MACROD2: variants seen among roughly 807,000 people sequenced by gnomAD.
MACROD2 encodes the protein mono-ADP ribosylhydrolase 2.
In MACROD2, 36 loss-of-function variants were observed where a neutral mutation model predicts 70.4. That is an observed-to-expected ratio of 0.51 (90% CI 0.39 to 0.68). The LOEUF (loss-of-function observed/expected upper bound fraction) is 0.68, where lower values mean the gene tolerates loss of function less well. Among genes scored for constraint, MACROD2 ranks in the 30% least tolerant of loss-of-function variants. MACROD2 has a pLI of 0.00. For missense variants in MACROD2, 496 were observed against 538.4 expected, an observed-to-expected ratio of 0.92 and a Z score of 0.78; for synonymous variants, 172 against 178.8, an observed-to-expected ratio of 0.96 and a Z score of 0.30.
chr20:14,868,329 A>G (rs1467343615), intron 5 of MACROD2, among the ~76,000 whole-genome samples: 3 of 151,898 alleles, frequency 2.0e-5, no homozygotes, highest in Non-Finnish European at 1.5e-5. Flanking sequence ...CTGGGACTGC[A>G]GGTGTGTGCC....
At chr20:14,501,465 T>C (rs185202905) in intron 4 of MACROD2, among the ~76,000 whole-genome samples, 1 of 152,108 alleles carries the variant, frequency 6.6e-6, no homozygotes, top group Admixed American at 6.5e-5. Flanking sequence ...CTACAATACG[T>C]TTCTATTTTT....
intron 5 of MACROD2, among the ~76,000 whole-genome samples, chr20:14,710,495 A>T (rs1295610730): frequency 1.3e-5 from 2 of 152,222 alleles, no homozygotes; most frequent in Non-Finnish European, 2.9e-5. Flanking sequence ...ATGAGCATGG[A>T]ACTTGTTATC....
At chr20:14,356,288 TCTTA>T (rs2083171046) in intron 3 of MACROD2, among the ~76,000 whole-genome samples, 1 of 152,192 alleles carries the variant, frequency 6.6e-6, no homozygotes, top group African/African-American at 2.4e-5. Flanking sequence ...CATAATAACC[TCTTA>T]CTATTTTTTT....
chr20:15,000,097 G>C (rs756655631), intron 5 of MACROD2, among the ~76,000 whole-genome samples: 1 of 152,152 alleles, frequency 6.6e-6, no homozygotes, highest in South Asian at 2.1e-4. Flanking sequence ...AATTTTATCT[G>C]TAATGGTTTC....
intron 6 of MACROD2, among the ~76,000 whole-genome samples, chr20:15,233,652 A>T (rs1365516832): frequency 6.6e-6 from 1 of 152,026 alleles, no homozygotes; most frequent in East Asian, 1.9e-4. Flanking sequence ...ATACCTATCC[A>T]CATTTGCTTT....
chr20:16,025,180 A>G (rs2067060299), intron 15 of MACROD2, among the ~76,000 whole-genome samples: 1 of 152,182 alleles, frequency 6.6e-6, no homozygotes, highest in African/African-American at 2.4e-5. Flanking sequence ...TGTCTCCTGG[A>G]ACAAGAGGTT....
intron 5 of MACROD2, among the ~76,000 whole-genome samples, chr20:15,206,365 G>A (rs2076702193): frequency 6.6e-6 from 1 of 152,026 alleles, no homozygotes; most frequent in Admixed American, 6.6e-5. Context: ...AACTTACATG[G>A]AGCTATTGCT....
intron 3 of MACROD2, among the ~76,000 whole-genome samples, chr20:14,492,525 T>G (rs575567697): frequency 6.6e-5 from 10 of 152,210 alleles, no homozygotes; most frequent in African/African-American, 2.2e-4. Flanking sequence ...AATTATGAAA[T>G]GGGTGGTCTG....
intron 5 of MACROD2, among the ~76,000 whole-genome samples, chr20:15,122,120 A>T (rs1281395433): frequency 2.6e-5 from 4 of 152,222 alleles, no homozygotes; most frequent in Non-Finnish European, 5.9e-5. Flanking sequence ...AAACAAAATG[A>T]TGAGAGAAAA....
intron 3 of MACROD2, among the ~76,000 whole-genome samples, chr20:14,267,014 T>C (rs2082149996): frequency 6.6e-6 from 1 of 152,174 alleles, no homozygotes; most frequent in Non-Finnish European, 1.5e-5. Flanking sequence ...GTGATGACTT[T>C]GGGCTAGCTA....
chr20:14,744,318 T>TA (rs1163711891), intron 5 of MACROD2, among the ~76,000 whole-genome samples: 2 of 152,322 alleles, frequency 1.3e-5, no homozygotes, highest in South Asian at 4.1e-4. Context: ...CAGTTTACTT[T>TA]AAAAAAATTT....
chr20:15,290,869 G>A (rs2077535518), intron 6 of MACROD2, among the ~76,000 whole-genome samples: 1 of 152,116 alleles, frequency 6.6e-6, no homozygotes, highest in Non-Finnish European at 1.5e-5. Context: ...CAATTCCTAG[G>A]TGCTGGGGCA....
intron 4 of MACROD2, among the ~76,000 whole-genome samples, chr20:14,531,321 G>A (rs2085300892): frequency 6.6e-6 from 1 of 151,696 alleles, no homozygotes; most frequent in Admixed American, 6.6e-5. Flanking sequence ...TTGAAACACA[G>A]GGATACACAG....
chr20:14,058,658 T>G (rs2053658512), intron 2 of MACROD2, among the ~76,000 whole-genome samples: 1 of 149,514 alleles, frequency 6.7e-6, no homozygotes, highest in Non-Finnish European at 1.5e-5. Flanking sequence ...TTTTTTTTTT[T>G]TTTTGAGACA....
At chr20:16,022,178 G>A (rs558862526) in intron 15 of MACROD2, among the ~76,000 whole-genome samples, 28 of 151,666 alleles carry the variant, frequency 1.8e-4, no homozygotes, top group Admixed American at 1.4e-3. Flanking sequence ...AGCCTCCTGC[G>A]TAGCAGGGAC....
chr20:14,261,091 T>C (rs1391673745), intron 3 of MACROD2, among the ~76,000 whole-genome samples: 1 of 152,198 alleles, frequency 6.6e-6, no homozygotes, highest in Non-Finnish European at 1.5e-5. Flanking sequence ...AAAATTTGGA[T>C]ACATAGTGAA....
chr20:15,626,836 C>T lies in MACROD2; in HGVS notation c.645+126989C>T, dbSNP rs140201588. ...TGCCACTGCACTCCAGCCTGGGCAACAGAACAAGACTCCATACCCCACCCC... is the reference window on the plus strand; with the variant it reads ...TGCCACTGCACTCCAGCCTGGGCAATAGAACAAGACTCCATACCCCACCCC... On this transcript the variant is annotated intron_variant, in intron 8 of 17. Transcript: ENST00000684519. Among the ~76,000 whole-genome samples, 138 of 152,112 alleles carry T rather than the reference C, an allele frequency of 9.1e-4. 1 individual carries two copies. Among genetic ancestry groups the T allele is most frequent in the African/African-American group, 3.2e-3 (134 of 41,506 alleles).
chr20:14,284,108 G>A (rs909730067), intron 3 of MACROD2, among the ~76,000 whole-genome samples: 1 of 152,138 alleles, frequency 6.6e-6, no homozygotes, highest in African/African-American at 2.4e-5. Context: ...AAAAAATAAA[G>A]CTTTCTTTCC....
At chr20:15,251,012 G>C (rs149476384) in intron 6 of MACROD2, among the ~76,000 whole-genome samples, 15 of 152,282 alleles carry the variant, frequency 9.9e-5, no homozygotes, top group Non-Finnish European at 1.8e-4. Context: ...GTGGGATGTA[G>C]TTTTTCCAAG....
Sources: gnomAD v4.1 joint callset for allele counts (sites outside exome capture counted in the v4.1 genomes callset) on GRCh38, gnomAD v4.1.1 for gene constraint, MANE v1.5 for transcripts, NCBI Gene and HGNC (gene_info 2026-07-23, HGNC 2026-07-21) for gene names.